Variants in PPARGC1A observed in about 807,000 individuals in gnomAD.
PPARGC1A encodes the protein PPARG coactivator 1 alpha.
Under a neutral mutation model 88.7 loss-of-function variants are expected in PPARGC1A, and 25 were observed. That is an observed-to-expected ratio of 0.28 (90% CI 0.21 to 0.39). PPARGC1A has a LOEUF of 0.39. PPARGC1A is among the 10% of genes least tolerant of loss of function. PPARGC1A has a pLI of 1.00. For missense variants in PPARGC1A, 880 were observed against 968.7 expected (o/e 0.91, Z 1.22); for synonymous variants, 363 against 355.6 (o/e 1.02, Z -0.24).
the PPARGC1A span, among the ~76,000 whole-genome samples, chr4:24,280,384 G>C: frequency 6.6e-6 from 1 of 152,188 alleles, no homozygotes; most frequent in Admixed American, 6.5e-5. Context: ...CACAGTTTTT[G>C]TTCTCAGAAA....
the PPARGC1A span, among the ~76,000 whole-genome samples, chr4:24,460,537 T>C: frequency 2.6e-5 from 4 of 152,030 alleles, no homozygotes; most frequent in Admixed American, 2.6e-4. Context: ...TTGGGAGAAA[T>C]AATTTTTAAA....
Position 23,828,390 on chromosome 4 carries a change from C to T in PPARGC1A, c.757+10G>A. The T allele has an allele frequency of 6.2e-7, 1 of 1,611,310 alleles. No homozygotes were observed. Among genetic ancestry groups the T allele is most frequent in the Admixed American group, 1.7e-5 (1 of 60,014 alleles). On this transcript the variant is annotated intron_variant, in intron 5 of 12. Transcript: ENST00000264867. ...CCCTCACCAACAGCTCGTTTTGGTCCCCAGCCTACCTTGTAAGTGTTGTGA... is the reference window on the plus strand; with the variant it reads ...CCCTCACCAACAGCTCGTTTTGGTCTCCAGCCTACCTTGTAAGTGTTGTGA...
intron 12 of PPARGC1A, among the ~76,000 whole-genome samples, chr4:23,799,718 CCTT>C (rs1317130762): frequency 1.3e-5 from 2 of 152,120 alleles, no homozygotes; most frequent in East Asian, 1.9e-4. Flanking sequence ...GAGGAAGCAT[CCTT>C]CTTAGAAATA....
the PPARGC1A span, among the ~76,000 whole-genome samples, chr4:24,305,181 A>G: frequency 1.5e-4 from 23 of 148,828 alleles, no homozygotes; most frequent in South Asian, 6.3e-4. Flanking sequence ...GTGTGTGTGT[A>G]TATTTATATA....
At chr4:23,914,395 T>A in the PPARGC1A span, among the ~76,000 whole-genome samples, 1 of 152,230 alleles carries the variant, frequency 6.6e-6, no homozygotes, top group East Asian at 1.9e-4. Flanking sequence ...TGGGCAGCAA[T>A]TTAATCAGCA....
At chr4:24,095,706 C>G in the PPARGC1A span, among the ~76,000 whole-genome samples, 1 of 152,080 alleles carries the variant, frequency 6.6e-6, no homozygotes, top group Non-Finnish European at 1.5e-5. Flanking sequence ...AGAACAGAAA[C>G]TTATTTCTCG....
the PPARGC1A span, among the ~76,000 whole-genome samples, chr4:24,274,908 A>G: frequency 3.9e-5 from 6 of 152,182 alleles, no homozygotes; most frequent in Non-Finnish European, 7.4e-5. Context: ...CAATAACCAC[A>G]CAGGGTTCCT....
At chr4:23,823,859 G>A (rs527789015) in intron 7 of PPARGC1A, among the ~76,000 whole-genome samples, 2 of 152,154 alleles carry the variant, frequency 1.3e-5, no homozygotes, top group Admixed American at 6.6e-5. Context: ...CAATGACCAC[G>A]GTGCAGGTAG....
the PPARGC1A span, among the ~76,000 whole-genome samples, chr4:24,173,903 A>G: frequency 2.6e-5 from 4 of 152,374 alleles, 1 homozygote; most frequent in African/African-American, 9.6e-5. Flanking sequence ...GATGACCAGC[A>G]TTGATACTGA....
the PPARGC1A span, among the ~76,000 whole-genome samples, chr4:24,314,615 G>T: frequency 1.3e-5 from 2 of 152,164 alleles, no homozygotes; most frequent in African/African-American, 4.8e-5. Flanking sequence ...TTAATTAAAA[G>T]AAAGATTTGC....
the PPARGC1A span, among the ~76,000 whole-genome samples, chr4:24,121,893 C>T: frequency 6.6e-6 from 1 of 152,158 alleles, no homozygotes; most frequent in Non-Finnish European, 1.5e-5. Context: ...CTGATTTTAG[C>T]ATCTTAACCC....
At chr4:24,278,997 T>C in the PPARGC1A span, among the ~76,000 whole-genome samples, 1 of 122,608 alleles carries the variant, frequency 8.2e-6, no homozygotes, top group Non-Finnish European at 1.9e-5. Context: ...AGAAACTGTT[T>C]GTTCCTGGAC....
At chr4:24,272,256 A>G in the PPARGC1A span, among the ~76,000 whole-genome samples, 1 of 152,104 alleles carries the variant, frequency 6.6e-6, no homozygotes, top group Non-Finnish European at 1.5e-5. Flanking sequence ...AATTCATAGT[A>G]CCTTAGGATT....
the PPARGC1A span, among the ~76,000 whole-genome samples, chr4:24,211,873 T>C: frequency 2.2e-3 from 336 of 152,302 alleles, no homozygotes; most frequent in African/African-American, 7.8e-3. Flanking sequence ...TGCACAGGTA[T>C]ATTCTACCTC....
chr4:24,114,830 G>A, the PPARGC1A span, among the ~76,000 whole-genome samples: 197 of 152,204 alleles, frequency 1.3e-3, 1 homozygote, highest in African/African-American at 4.3e-3. Flanking sequence ...GTTAGTGGAG[G>A]GTAAGGTGCG....
At chr4:24,352,676 C>T in the PPARGC1A span, among the ~76,000 whole-genome samples, 1 of 152,224 alleles carries the variant, frequency 6.6e-6, no homozygotes, top group Non-Finnish European at 1.5e-5. Context: ...TATCCCCAAA[C>T]GTCCCACTGC....
At chr4:24,179,951 T>C in the PPARGC1A span, among the ~76,000 whole-genome samples, 1 of 152,168 alleles carries the variant, frequency 6.6e-6, no homozygotes, top group Non-Finnish European at 1.5e-5. Flanking sequence ...TTCCTGTGTT[T>C]GTGTTTTATT....
the PPARGC1A span, among the ~76,000 whole-genome samples, chr4:24,149,383 C>G: frequency 6.6e-6 from 1 of 151,834 alleles, no homozygotes; most frequent in Non-Finnish European, 1.5e-5. Context: ...ATTTTAATAA[C>G]TAGCATCTTC....
At chr4:24,158,423 C>A in the PPARGC1A span, among the ~76,000 whole-genome samples, 1 of 152,182 alleles carries the variant, frequency 6.6e-6, no homozygotes, top group Non-Finnish European at 1.5e-5. Context: ...AACATTAAAA[C>A]AAGATCAGGC....
Sources: allele counts gnomAD v4.1 joint callset (sites outside exome capture counted in the v4.1 genomes callset), GRCh38; gene constraint gnomAD v4.1.1; transcripts MANE v1.5; gene names NCBI Gene and HGNC (gene_info 2026-07-23, HGNC 2026-07-21).